The following TMEM108 variants were observed in gnomAD, a reference collection of about 807,000 sequenced individuals.
TMEM108 encodes the protein cancer/testis antigen 124.
TMEM108 carries 12 observed loss-of-function variants against 35.1 expected under a neutral mutation model. That is an observed-to-expected ratio of 0.34 (90% CI 0.22 to 0.55). The LOEUF (loss-of-function observed/expected upper bound fraction) is 0.55, where lower values mean the gene tolerates loss of function less well. TMEM108 is among the 20% of genes least tolerant of loss of function. The pLI is 0.89. For missense variants in TMEM108, 680 were observed against 753.3 expected (o/e 0.90, Z 1.14); for synonymous variants, 287 against 308.6 (o/e 0.93, Z 0.73).
At chr3:133,188,938 G>A (rs1945460052) in intron 2 of TMEM108, among the ~76,000 whole-genome samples, 1 of 152,186 alleles carries the variant, frequency 6.6e-6, no homozygotes, top group Non-Finnish European at 1.5e-5. Flanking sequence ...TCTACCTGAA[G>A]GAAAGTGAGA....
intron 2 of TMEM108, among the ~76,000 whole-genome samples, chr3:133,194,171 G>A (rs1011977455): frequency 3.9e-5 from 6 of 152,020 alleles, no homozygotes; most frequent in Admixed American, 2.0e-4. Flanking sequence ...TCCTGACCTC[G>A]TGATCCGCCC....
At chr3:133,350,481 A>G (rs1017590537) in intron 3 of TMEM108, among the ~76,000 whole-genome samples, 1 of 152,200 alleles carries the variant, frequency 6.6e-6, no homozygotes, top group Non-Finnish European at 1.5e-5. Context: ...GAGGTAATAG[A>G]TATGCTAAAT....
chr3:133,186,986 A>C (rs1945430660), intron 2 of TMEM108, among the ~76,000 whole-genome samples: 1 of 152,132 alleles, frequency 6.6e-6, no homozygotes, highest in African/African-American at 2.4e-5. Flanking sequence ...CAAGTCACTT[A>C]ACCTTTACAG....
chr3:133,076,279 C>T (rs1576305732), intron 2 of TMEM108, among the ~76,000 whole-genome samples: 2 of 150,766 alleles, frequency 1.3e-5, no homozygotes, highest in African/African-American at 5.0e-5. Context: ...ATAACCCCTT[C>T]TGTGTGTCTG....
intron 2 of TMEM108, among the ~76,000 whole-genome samples, chr3:133,087,977 T>G (rs1197893633): frequency 6.6e-6 from 1 of 152,150 alleles, no homozygotes; most frequent in Non-Finnish European, 1.5e-5. Flanking sequence ...TACTATAATC[T>G]GGGTATTGCA....
At chr3:133,294,373 G>T (rs1006201709) in intron 3 of TMEM108, among the ~76,000 whole-genome samples, 1 of 152,130 alleles carries the variant, frequency 6.6e-6, no homozygotes, top group Admixed American at 6.5e-5. Context: ...GCAATTTAGG[G>T]TTGAGAAGCT....
At chr3:133,153,183 T>C (rs1944826754) in intron 2 of TMEM108, among the ~76,000 whole-genome samples, 1 of 152,144 alleles carries the variant, frequency 6.6e-6, no homozygotes, top group South Asian at 2.1e-4. Context: ...GTCAGGAAAC[T>C]CAGATTTCAT....
intron 3 of TMEM108, among the ~76,000 whole-genome samples, chr3:133,318,665 T>G (rs2071227144): frequency 6.6e-6 from 1 of 152,112 alleles, no homozygotes; most frequent in Non-Finnish European, 1.5e-5. Flanking sequence ...GACCTGTCTT[T>G]CTCAGCAAAT....
intron 2 of TMEM108, among the ~76,000 whole-genome samples, chr3:133,057,435 G>GTATATATATATA (rs56983894): frequency 1.3e-4 from 6 of 45,740 alleles, no homozygotes; most frequent in African/African-American, 3.5e-4. Context: ...GTGTGTGTGT[G>GTATATATATATA]TATATATATA....
intron 2 of TMEM108, among the ~76,000 whole-genome samples, chr3:133,113,844 C>G (rs965560987): frequency 4.6e-5 from 7 of 151,924 alleles, no homozygotes; most frequent in Admixed American, 3.3e-4. Flanking sequence ...AAGGCAGTTC[C>G]CAGGGTCTTG....
chr3:133,170,629 G>A (rs757442633), intron 2 of TMEM108, among the ~76,000 whole-genome samples: 3 of 151,966 alleles, frequency 2.0e-5, no homozygotes, highest in East Asian at 1.9e-4. Context: ...ACTAAACATC[G>A]TTTTACTTCA....
intron 2 of TMEM108, among the ~76,000 whole-genome samples, chr3:133,215,711 G>A (rs1042487780): frequency 5.9e-5 from 9 of 151,916 alleles, no homozygotes; most frequent in Admixed American, 5.9e-4. Flanking sequence ...TAGATTTTGA[G>A]TCAGAATTAG....
intron 3 of TMEM108, among the ~76,000 whole-genome samples, chr3:133,263,434 A>G (rs1946653306): frequency 6.6e-6 from 1 of 152,206 alleles, no homozygotes; most frequent in Non-Finnish European, 1.5e-5. Context: ...AAACCATTTC[A>G]GTGCTTGGAG....
At chr3:133,232,724 T>G (rs189660557) in intron 3 of TMEM108, among the ~76,000 whole-genome samples, 60 of 152,372 alleles carry the variant, frequency 3.9e-4, no homozygotes, top group Admixed American at 5.9e-4. Flanking sequence ...TTGTTACAAC[T>G]GACTATCTCT....
At chr3:133,388,528 T>C (rs1395521252) in intron 4 of TMEM108, 1 of 985,340 alleles carries the variant, frequency 1.0e-6, no homozygotes, top group Non-Finnish European at 1.2e-6. Context: ...TTTGAAAAGT[T>C]CTGTACCAGC....
chr3:133,184,421 A>G (rs1251775820), intron 2 of TMEM108, among the ~76,000 whole-genome samples: 1 of 152,178 alleles, frequency 6.6e-6, no homozygotes, highest in African/African-American at 2.4e-5. Context: ...CTAATGTATC[A>G]GCTACATTTC....
chr3:133,312,979 A>T (rs1411991509), intron 3 of TMEM108, among the ~76,000 whole-genome samples: 2 of 152,126 alleles, frequency 1.3e-5, no homozygotes, highest in Non-Finnish European at 2.9e-5. Flanking sequence ...CAATGCTTTC[A>T]TCTAATCTAT....
Position 133,186,223 on chromosome 3 carries a change from C to T in TMEM108, c.-46-43043C>T, listed in dbSNP as rs1033331219. ...TAACACTGTTCACTTCATTAGGAAC[C>T]GTTAAAGGTGGCTTCACAGTATTGA... is the stretch of plus-strand genomic sequence containing the variant. On this transcript the variant is annotated intron_variant, in intron 2 of 5. Coordinates refer to ENST00000321871, the MANE Select transcript of TMEM108 (RefSeq NM_023943.4). Among the ~76,000 whole-genome samples the T allele has an allele frequency of 9.2e-5, 14 of 151,998 alleles. No homozygotes were observed. The South Asian group carries it at 1.5e-3, about 16-fold the overall frequency.
intron 3 of TMEM108, among the ~76,000 whole-genome samples, chr3:133,286,344 T>C (rs192460063): frequency 1.3e-5 from 2 of 152,170 alleles, no homozygotes; most frequent in Admixed American, 1.3e-4. Context: ...TTATTTATTT[T>C]TTTTTTAGAA....
Sources: gnomAD v4.1 joint callset for allele counts (sites outside exome capture counted in the v4.1 genomes callset) on GRCh38, gnomAD v4.1.1 for gene constraint, MANE v1.5 for transcripts, NCBI Gene and HGNC (gene_info 2026-07-23, HGNC 2026-07-21) for gene names.